The following ATRNL1 variants were observed in gnomAD, a reference collection of about 807,000 sequenced individuals.
ATRNL1 encodes attractin like 1.
Under a neutral mutation model 182.7 loss-of-function variants are expected in ATRNL1, and 95 were observed. That is an observed-to-expected ratio of 0.52 (90% CI 0.44 to 0.62). The LOEUF (loss-of-function observed/expected upper bound fraction) is 0.62, where lower values mean the gene tolerates loss of function less well. Among genes scored for constraint, ATRNL1 ranks in the 20% least tolerant of loss-of-function variants. The probability of loss-of-function intolerance (pLI) is 0.00; values close to 1 mark genes in which losing one functional copy is unlikely to be tolerated. For synonymous variants in ATRNL1, 576 were observed against 568.3 expected, an observed-to-expected ratio of 1.01 and a Z score of -0.19; for missense variants, 1,471 against 1,679.5, an observed-to-expected ratio of 0.88 and a Z score of 2.17.
intron 26 of ATRNL1, among the ~76,000 whole-genome samples, chr10:115,663,347 A>G (rs1274113702): frequency 4.6e-5 from 7 of 152,098 alleles, no homozygotes; most frequent in African/African-American, 1.7e-4. Context: ...AGCCATTTGC[A>G]ACATTTTTAC....
intron 26 of ATRNL1, among the ~76,000 whole-genome samples, chr10:115,552,431 A>G (rs1466695456): frequency 1.3e-5 from 2 of 151,418 alleles, no homozygotes; most frequent in Non-Finnish European, 3.0e-5. Context: ...ATGACAGTTT[A>G]TCTGTTACAG....
At chr10:115,109,832 A>G (rs1444928526) in intron 1 of ATRNL1, among the ~76,000 whole-genome samples, 20 of 152,300 alleles carry the variant, frequency 1.3e-4, no homozygotes, top group African/African-American at 4.6e-4. Context: ...CTGAGTTACA[A>G]TTTGCACCTC....
intron 1 of ATRNL1, among the ~76,000 whole-genome samples, chr10:115,117,504 G>T (rs903101419): frequency 2.0e-5 from 3 of 152,074 alleles, no homozygotes; most frequent in African/African-American, 7.2e-5. Flanking sequence ...ATGACATCCA[G>T]TTACATCCGT....
At chr10:115,197,248 C>T (rs536181268) in intron 8 of ATRNL1, among the ~76,000 whole-genome samples, 1 of 151,914 alleles carries the variant, frequency 6.6e-6, no homozygotes, top group South Asian at 2.1e-4. Context: ...AATATATTAT[C>T]CTTTTCATAT....
chr10:115,659,937 G>A (rs1296588510), intron 26 of ATRNL1, among the ~76,000 whole-genome samples: 1 of 152,148 alleles, frequency 6.6e-6, no homozygotes. Context: ...GAGAATATGG[G>A]TCAGATTATA....
intron 10 of ATRNL1, among the ~76,000 whole-genome samples, chr10:115,243,332 T>C (rs1850500499): frequency 6.6e-6 from 1 of 152,082 alleles, no homozygotes; most frequent in South Asian, 2.1e-4. Context: ...TGAAAAAATT[T>C]GGAGAATTTT....
At chr10:115,624,742 T>C (rs782674065) in intron 26 of ATRNL1, among the ~76,000 whole-genome samples, 3 of 152,204 alleles carry the variant, frequency 2.0e-5, no homozygotes, top group Non-Finnish European at 4.4e-5. Context: ...ACCACACTAC[T>C]GTATGGAGTA....
intron 26 of ATRNL1, among the ~76,000 whole-genome samples, chr10:115,668,701 C>T (rs144338014): frequency 3.3e-5 from 5 of 152,186 alleles, no homozygotes; most frequent in East Asian, 3.9e-4. Context: ...TTACATAAAT[C>T]TTTTACATTT....
intron 19 of ATRNL1, among the ~76,000 whole-genome samples, chr10:115,381,918 C>A (rs1858036073): frequency 6.6e-6 from 1 of 151,956 alleles, no homozygotes; most frequent in Non-Finnish European, 1.5e-5. Context: ...TTTAAACATG[C>A]ATATCTAGTT....
At chr10:115,240,508 C>T (rs1380836035) in intron 9 of ATRNL1, among the ~76,000 whole-genome samples, 1 of 151,996 alleles carries the variant, frequency 6.6e-6, no homozygotes, top group Non-Finnish European at 1.5e-5. Context: ...CCCGCCTTGG[C>T]CTCTCAAAGT....
intron 27 of ATRNL1, among the ~76,000 whole-genome samples, chr10:115,757,223 C>T (rs782034975): frequency 5.3e-5 from 8 of 151,994 alleles, no homozygotes; most frequent in South Asian, 2.1e-4. Context: ...GGTTATTTTC[C>T]CCTTTAGCTG....
At chr10:115,759,865 T>G (rs12573647) in intron 27 of ATRNL1, among the ~76,000 whole-genome samples, 2 of 141,634 alleles carry the variant, frequency 1.4e-5, no homozygotes, top group Non-Finnish European at 3.1e-5. Flanking sequence ...TTTTTTTTTT[T>G]TGTATTTTTA....
In ATRNL1 at chr10:115,320,561, TC is replaced by T. The variant is rs1304352438; in HGVS notation, c.3037+4828del. Among the ~76,000 whole-genome samples, 76 of 152,286 alleles carry T rather than the reference TC, an allele frequency of 5.0e-4. 1 individual carries two copies. Among genetic ancestry groups the T allele is most frequent in the African/African-American group, 1.8e-3 (74 of 41,570 alleles). ...TTGCAAGTTTGGTTTCTTTACGAGG[TC>T]CCATATTTCTTGGAAGCTTTGTTTC... On this transcript the variant is annotated intron_variant, in intron 18 of 28. Transcript: ENST00000355044.
At chr10:115,310,291 T>G (rs1853949040) in intron 17 of ATRNL1, among the ~76,000 whole-genome samples, 1 of 152,168 alleles carries the variant, frequency 6.6e-6, no homozygotes, top group African/African-American at 2.4e-5. Flanking sequence ...ATCAGGGATA[T>G]TAGTCTGTAG....
intron 28 of ATRNL1, among the ~76,000 whole-genome samples, chr10:115,936,481 A>G (rs1392090394): frequency 6.6e-6 from 1 of 152,154 alleles, no homozygotes; most frequent in Non-Finnish European, 1.5e-5. Context: ...ATGATTTTTT[A>G]ATTATCAAGG....
In ATRNL1 at chr10:115,469,280, T is replaced by C. The variant is rs782070193; in HGVS notation, c.3605T>C (p.Ile1202Thr). The C allele has an allele frequency of 3.2e-6, 5 of 1,538,784 alleles. No homozygotes were observed. The highest frequency in any genetic ancestry group is 4.3e-5 in the Admixed American group (2 of 46,764). The change falls in exon 24 of 29, where the codon ATT (isoleucine) becomes ACT (threonine). Residue 1202 changes from isoleucine to threonine, a missense_variant. Coordinates refer to ENST00000355044, the MANE Select transcript of ATRNL1 (RefSeq NM_207303.4). ...EKFNFRSNPNITFYVYVSNFS... is the reference protein window; with the variant it reads ...EKFNFRSNPNTTFYVYVSNFS... ...TTTAACTTTAGAAGCAATCCTAACA[T>C]TACATTCTATGTGTACGTCAGCAAC...
intron 26 of ATRNL1, among the ~76,000 whole-genome samples, chr10:115,712,523 TATTATGC>T (rs1947091104): frequency 6.6e-6 from 1 of 152,206 alleles, no homozygotes; most frequent in Non-Finnish European, 1.5e-5. Context: ...TTGATTTTGG[TATTATGC>T]ATACTTACCT....
chr10:115,811,249 G>A (rs560079716), intron 27 of ATRNL1, among the ~76,000 whole-genome samples: 1 of 151,762 alleles, frequency 6.6e-6, no homozygotes, highest in Non-Finnish European at 1.5e-5. Context: ...GGCTTATTTA[G>A]AAGTGTGTTG....
At chr10:115,255,808 T>G (rs1382953684) in intron 10 of ATRNL1, among the ~76,000 whole-genome samples, 2 of 152,218 alleles carry the variant, frequency 1.3e-5, no homozygotes, top group Admixed American at 6.5e-5. Flanking sequence ...TTGAGATACC[T>G]TCCATCAATA....
Sources: allele counts gnomAD v4.1 joint callset (sites outside exome capture counted in the v4.1 genomes callset), GRCh38; gene constraint gnomAD v4.1.1; transcripts MANE v1.5; gene names NCBI Gene and HGNC (gene_info 2026-07-23, HGNC 2026-07-21).